The following KSR1 variants were observed in gnomAD, a reference collection of about 807,000 sequenced individuals.
KSR1 encodes the protein kinase suppressor of ras.
In KSR1, 35 loss-of-function variants were observed where a neutral mutation model predicts 92.9. That is an observed-to-expected ratio of 0.38 (90% CI 0.29 to 0.50). KSR1 has a LOEUF of 0.50. KSR1 is among the 20% of genes least tolerant of loss of function. KSR1 has a pLI of 0.94. For synonymous variants in KSR1, 467 were observed against 472.6 expected (o/e 0.99, Z 0.15); for missense variants, 972 against 1,158.5 (o/e 0.84, Z 2.34).
chr17:27,617,279 G>A lies in KSR1; in HGVS notation c.2494-16G>A, dbSNP rs1485578861. ...CCAGCCAGCTCACACACCACTAATGGCAGCTCCATTTGCAGGAGATCCTGT... is the reference window on the plus strand; with the variant it reads ...CCAGCCAGCTCACACACCACTAATGACAGCTCCATTTGCAGGAGATCCTGT... On this transcript the variant is annotated splice_polypyrimidine_tract_variant and intron_variant, in intron 18 of 20. Coordinates refer to ENST00000644974, the MANE Select transcript of KSR1 (RefSeq NM_001394583.1). 1.2e-6 allele frequency: 2 copies of A among 1,600,534 alleles called. No individual in the cohort carries two copies. Among genetic ancestry groups the A allele is most frequent in the South Asian group, 1.1e-5 (1 of 89,916 alleles).
At position 27,526,094 on chromosome 17, in the gene KSR1, T is replaced by TTCTTTCTTTCTTTCTTTCTTTCTTTCTC. The variant is rs55706224; in HGVS notation, c.232-24471_232-24470insTTCTTTCTTTCTTTCTTTCTTTCTCTCT. ...TCTCTTTCTTTCTTTCTTTCTTTCT[T>TTCTTTCTTTCTTTCTTTCTTTCTTTCTC]TCTCTCTCTCTCTCTCTCTCTCTCA... is the stretch of plus-strand genomic sequence containing the variant. On this transcript the variant is annotated intron_variant, in intron 1 of 20. Coordinates refer to ENST00000644974, the MANE Select transcript of KSR1 (RefSeq NM_001394583.1). Among the ~76,000 whole-genome samples the TTCTTTCTTTCTTTCTTTCTTTCTTTCTC allele has an allele frequency of 6.8e-5, 8 of 118,474 alleles. 1 individual carries two copies. The highest frequency in any genetic ancestry group is 2.7e-4 in the South Asian group (1 of 3,682). 77.7% of individuals were successfully genotyped at this position (118,474 alleles called of 152,430 possible). A position where few individuals can be genotyped will look rare whatever the true frequency, so the allele number is the denominator to read the frequency against.
At chr17:27,530,436 C>G (rs964772186) in intron 1 of KSR1, among the ~76,000 whole-genome samples, 1 of 151,828 alleles carries the variant, frequency 6.6e-6, no homozygotes, top group Admixed American at 6.6e-5. Context: ...CAGAGTGAGA[C>G]CCTGTCTCAA....
intron 1 of KSR1, among the ~76,000 whole-genome samples, chr17:27,511,233 G>T (rs537379346): frequency 2.6e-5 from 4 of 152,342 alleles, no homozygotes; most frequent in African/African-American, 9.6e-5. Context: ...GGGACGCCTG[G>T]CTGGGGCTGG....
chr17:27,617,973 A>G (rs905499511), intron 19 of KSR1, among the ~76,000 whole-genome samples: 1 of 152,212 alleles, frequency 6.6e-6, no homozygotes, highest in African/African-American at 2.4e-5. Flanking sequence ...GTTTGCCGCT[A>G]TGAAATACTA....
At chr17:27,489,021 CT>C (rs1422186672) in intron 1 of KSR1, among the ~76,000 whole-genome samples, 1 of 152,206 alleles carries the variant, frequency 6.6e-6, no homozygotes, top group Non-Finnish European at 1.5e-5. Context: ...CCTGTCAGTC[CT>C]TTCCAGAGCA....
Position 27,577,644 on chromosome 17 carries a change from G to A in KSR1, c.520+5G>A. The A allele has an allele frequency of 1.9e-6, 3 of 1,548,428 alleles. No individual in the cohort carries two copies. Among genetic ancestry groups the A allele is most frequent in the Non-Finnish European group, 2.6e-6 (3 of 1,150,606 alleles). Reference sequence around the variant, plus strand: ...TGCGGAAGGTGACAGGCCTGGGTACGTGGGGCCTGCCACCCTCTCCCTTGC... The same window carrying A: ...TGCGGAAGGTGACAGGCCTGGGTACATGGGGCCTGCCACCCTCTCCCTTGC... On this transcript the variant is annotated splice_donor_5th_base_variant and intron_variant, in intron 3 of 20. Coordinates refer to ENST00000644974, the MANE Select transcript of KSR1 (RefSeq NM_001394583.1). The surrounding 1 kb of genome is among the most constrained non-coding windows in gnomAD (Gnocchi z 4.5).
intron 1 of KSR1, among the ~76,000 whole-genome samples, chr17:27,495,525 TC>T (rs2068955484): frequency 1.3e-5 from 2 of 152,148 alleles, no homozygotes; most frequent in African/African-American, 4.8e-5. Flanking sequence ...AGCCCCCTGA[TC>T]TGCCCCAAAG....
intron 3 of KSR1, among the ~76,000 whole-genome samples, chr17:27,581,399 C>G (rs1027135481): frequency 6.6e-6 from 1 of 152,028 alleles, no homozygotes; most frequent in Non-Finnish European, 1.5e-5. Context: ...ACTAGGCTGA[C>G]CCCCCCAGCT....
intron 2 of KSR1, among the ~76,000 whole-genome samples, chr17:27,551,918 C>T (rs2071410754): frequency 1.3e-5 from 2 of 152,222 alleles, no homozygotes; most frequent in African/African-American, 4.8e-5. Flanking sequence ...CATCCTTTTT[C>T]AGTGCTTCCT....
At chr17:27,504,786 A>G (rs188373320) in intron 1 of KSR1, among the ~76,000 whole-genome samples, 68 of 152,316 alleles carry the variant, frequency 4.5e-4, no homozygotes, top group African/African-American at 1.5e-3. Context: ...CTGAAGGCTC[A>G]TGAATTATGC....
chr17:27,566,480 G>A, intron 2 of KSR1: 2 of 399,150 alleles, frequency 5.0e-6, no homozygotes. Flanking sequence ...GGAGCTGGGT[G>A]ACAGCCAAGG....
At chr17:27,491,059 G>A (rs1383091224) in intron 1 of KSR1, among the ~76,000 whole-genome samples, 1 of 151,882 alleles carries the variant, frequency 6.6e-6, no homozygotes, top group Non-Finnish European at 1.5e-5. Context: ...ATCTATAACT[G>A]TGTGTGTATC....
At chr17:27,604,830 T>C (rs1214121219) in intron 13 of KSR1, 102 bp downstream of exon 13, 5 of 1,173,968 alleles carry the variant, frequency 4.3e-6, no homozygotes, top group Admixed American at 3.4e-5. Context: ...TTCTGGACTT[T>C]GGCAAGGGCT....
chr17:27,551,992 A>G lies in KSR1; in HGVS notation c.372+1284A>G, dbSNP rs138456082. On this transcript the variant is annotated intron_variant, in intron 2 of 20. Coordinates refer to ENST00000644974, the MANE Select transcript of KSR1 (RefSeq NM_001394583.1). ...TGGCCTCTCTCGCCTCTGTTTGCTCACCTTCTCCTTTGCTCGGTAGACTCT... is the reference window on the plus strand; with the variant it reads ...TGGCCTCTCTCGCCTCTGTTTGCTCGCCTTCTCCTTTGCTCGGTAGACTCT... Among the ~76,000 whole-genome samples the G allele has an allele frequency of 2.6e-3, 403 of 152,114 alleles. 4 individuals carry two copies. Among genetic ancestry groups the G allele is most frequent in the African/African-American group, 9.2e-3 (380 of 41,488 alleles).
intron 1 of KSR1, among the ~76,000 whole-genome samples, chr17:27,486,273 T>A (rs922458866): frequency 6.6e-6 from 1 of 151,934 alleles, no homozygotes; most frequent in Non-Finnish European, 1.5e-5. Context: ...ACAACTGGAG[T>A]CTGGTTTGGC....
intron 1 of KSR1, among the ~76,000 whole-genome samples, chr17:27,537,979 AACAG>A (rs1383004608): frequency 2.0e-5 from 3 of 152,256 alleles, no homozygotes; most frequent in East Asian, 1.9e-4. Flanking sequence ...AGCACAAACA[AACAG>A]ACAAAAAGAT....
intron 4 of KSR1, 106 bp from the exon 5 acceptor site, chr17:27,585,551 C>T: frequency 5.6e-6 from 4 of 717,384 alleles, no homozygotes. Context: ...GCCTCAGAGT[C>T]CTACGTCCCA....
intron 1 of KSR1, among the ~76,000 whole-genome samples, chr17:27,486,041 G>A (rs939832248): frequency 1.3e-5 from 2 of 152,150 alleles, no homozygotes; most frequent in African/African-American, 2.4e-5. Context: ...TGAAAAGAAC[G>A]TATGAACTCA....
intron 1 of KSR1, among the ~76,000 whole-genome samples, chr17:27,467,813 G>GT (rs200085439): frequency 0.35 from 48,354 of 139,288 alleles, 9,829 homozygotes; most frequent in East Asian, 0.64. Context: ...TTTATGTTTT[G>GT]TTTTTTTTTT....
Sources: allele counts gnomAD v4.1 joint callset (sites outside exome capture counted in the v4.1 genomes callset), GRCh38; gene constraint gnomAD v4.1.1; non-coding constraint Gnocchi (gnomAD v3.1); transcripts MANE v1.5; gene names NCBI Gene and HGNC (gene_info 2026-07-23, HGNC 2026-07-21).